NEGR1: variants seen among roughly 807,000 people sequenced by gnomAD.
NEGR1 encodes the protein IgLON family member 4.
In NEGR1, 10 loss-of-function variants were observed where a neutral mutation model predicts 40.9. That is an observed-to-expected ratio of 0.24 (90% CI 0.15 to 0.42). The LOEUF (loss-of-function observed/expected upper bound fraction) is 0.42, where lower values mean the gene tolerates loss of function less well. Ranked by LOEUF, NEGR1 falls within the 10% of genes least tolerant of loss-of-function variation. The pLI, the probability that NEGR1 is intolerant of heterozygous loss-of-function variation, is 1.00. For missense variants in NEGR1, 352 were observed against 438.9 expected (o/e 0.80, Z 1.77); for synonymous variants, 185 against 166.8 (o/e 1.11, Z -0.84).
chr1:71,572,275 C>T (rs372745742), intron 6 of NEGR1, among the ~76,000 whole-genome samples: 1 of 152,166 alleles, frequency 6.6e-6, no homozygotes, highest in East Asian at 1.9e-4. Context: ...AGGCAGAAAG[C>T]AGGCTGTTGA....
intron 6 of NEGR1, among the ~76,000 whole-genome samples, chr1:71,449,809 T>C (rs1388240996): frequency 3.9e-5 from 6 of 152,172 alleles, no homozygotes; most frequent in Non-Finnish European, 7.3e-5. Flanking sequence ...CTCAATCTCA[T>C]GTCTTAGAAC....
At chr1:71,688,266 C>T (rs1653104503) in intron 4 of NEGR1, among the ~76,000 whole-genome samples, 1 of 137,156 alleles carries the variant, frequency 7.3e-6, no homozygotes, top group Non-Finnish European at 1.5e-5. Flanking sequence ...CACTGTGTTA[C>T]ATTGCCCGGA....
chr1:72,232,752 T>C (rs927064001), intron 1 of NEGR1, among the ~76,000 whole-genome samples: 2 of 151,980 alleles, frequency 1.3e-5, no homozygotes, highest in Non-Finnish European at 2.9e-5. Flanking sequence ...ATAGAGAAAA[T>C]AGGTGATTAA....
chr1:71,753,992 G>T (rs1317232192), intron 3 of NEGR1, among the ~76,000 whole-genome samples: 1 of 152,178 alleles, frequency 6.6e-6, no homozygotes, highest in Admixed American at 6.5e-5. Context: ...CACCTGGGGT[G>T]ATGAATTGAG....
intron 6 of NEGR1, among the ~76,000 whole-genome samples, chr1:71,564,538 C>T (rs968764545): frequency 6.6e-6 from 1 of 152,106 alleles, no homozygotes; most frequent in African/African-American, 2.4e-5. Flanking sequence ...TTCCTTTACT[C>T]ATATTTCCTC....
chr1:71,863,925 C>A (rs191577881), intron 2 of NEGR1, among the ~76,000 whole-genome samples: 1 of 152,118 alleles, frequency 6.6e-6, no homozygotes, highest in African/African-American at 2.4e-5. Context: ...CTTATTGAAT[C>A]TTTCCACAAC....
At chr1:71,990,546 A>T (rs779417059) in intron 1 of NEGR1, among the ~76,000 whole-genome samples, 1 of 152,292 alleles carries the variant, frequency 6.6e-6, no homozygotes, top group East Asian at 1.9e-4. Flanking sequence ...TATGAAATGC[A>T]TGCCAAGTAA....
intron 1 of NEGR1, among the ~76,000 whole-genome samples, chr1:72,250,845 G>C (rs1487290255): frequency 6.6e-6 from 1 of 152,164 alleles, no homozygotes; most frequent in African/African-American, 2.4e-5. Flanking sequence ...CAATAGGGCT[G>C]TATCTATACA....
At chr1:71,610,719 T>C (rs1255829067) in intron 5 of NEGR1, among the ~76,000 whole-genome samples, 2 of 152,158 alleles carry the variant, frequency 1.3e-5, no homozygotes, top group Admixed American at 6.5e-5. Flanking sequence ...CTTTAAGAGC[T>C]GGTTTACTTC....
chr1:71,939,053 C>T (rs534666897), intron 1 of NEGR1, among the ~76,000 whole-genome samples: 13 of 152,192 alleles, frequency 8.5e-5, no homozygotes, highest in Admixed American at 4.6e-4. Context: ...TCTGACTTTA[C>T]CTCCCACTCC....
At chr1:72,043,810 T>A (rs1206132365) in intron 1 of NEGR1, among the ~76,000 whole-genome samples, 1 of 151,842 alleles carries the variant, frequency 6.6e-6, no homozygotes, top group East Asian at 1.9e-4. Flanking sequence ...TTCACCCTAT[T>A]CTGTAACCCA....
intron 5 of NEGR1, among the ~76,000 whole-genome samples, chr1:71,595,556 C>T (rs143943967): frequency 2.6e-4 from 39 of 152,182 alleles, no homozygotes; most frequent in Non-Finnish European, 3.4e-4. Flanking sequence ...GGTATGAAGA[C>T]GGGCTTTCTC....
chr1:71,574,656 TTG>T (rs768820365), intron 6 of NEGR1, among the ~76,000 whole-genome samples: 7 of 152,188 alleles, frequency 4.6e-5, no homozygotes, highest in Non-Finnish European at 8.8e-5. Flanking sequence ...TAGGAATTCT[TTG>T]TTATTGTCTC....
chr1:71,786,998 C>T (rs942126780), intron 2 of NEGR1, among the ~76,000 whole-genome samples: 2 of 152,122 alleles, frequency 1.3e-5, no homozygotes, highest in African/African-American at 2.4e-5. Flanking sequence ...CACATGCGGT[C>T]GCCACATGGA....
At chr1:71,613,939 T>C (rs900475364) in intron 4 of NEGR1, among the ~76,000 whole-genome samples, 1 of 152,148 alleles carries the variant, frequency 6.6e-6, no homozygotes, top group Non-Finnish European at 1.5e-5. Flanking sequence ...ATACTGAATA[T>C]ATAGTTTTCA....
intron 5 of NEGR1, among the ~76,000 whole-genome samples, chr1:71,609,197 T>A (rs556208618): frequency 4.0e-5 from 6 of 151,606 alleles, no homozygotes; most frequent in African/African-American, 4.8e-5. Context: ...CTAAAAAAAA[T>A]TTTAGGTAAA....
intron 3 of NEGR1, among the ~76,000 whole-genome samples, chr1:71,728,922 G>A (rs1654764341): frequency 6.6e-6 from 1 of 152,106 alleles, no homozygotes; most frequent in Non-Finnish European, 1.5e-5. Context: ...GCTAGGAGCA[G>A]GCATTTCTTG....
intron 1 of NEGR1, among the ~76,000 whole-genome samples, chr1:72,119,988 C>A (rs2630401): frequency 0.28 from 42,248 of 151,686 alleles, 6,803 homozygotes; most frequent in African/African-American, 0.45. Flanking sequence ...TGATTAATTA[C>A]GAAAAATGAC....
chr1:71,614,215 G>A (rs10493486), intron 4 of NEGR1, among the ~76,000 whole-genome samples: 43,083 of 151,506 alleles, frequency 0.28, 7,550 homozygotes, highest in East Asian at 0.5. Context: ...ACTGTTACAA[G>A]ATAATATAGA....
Sources: allele counts gnomAD v4.1 joint callset (sites outside exome capture counted in the v4.1 genomes callset), GRCh38; gene constraint gnomAD v4.1.1; transcripts MANE v1.5; gene names NCBI Gene and HGNC (gene_info 2026-07-23, HGNC 2026-07-21).